ARMC8: variants seen among roughly 807,000 people sequenced by gnomAD.
ARMC8 encodes armadillo repeat-containing protein 8.
ARMC8 carries 20 observed loss-of-function variants against 99.3 expected under a neutral mutation model. That is an observed-to-expected ratio of 0.20 (90% CI 0.14 to 0.29). The LOEUF is 0.29. Among genes scored for constraint, ARMC8 ranks in the 10% least tolerant of loss-of-function variants. The probability of loss-of-function intolerance (pLI) is 1.00; values close to 1 mark genes in which losing one functional copy is unlikely to be tolerated. For missense variants in ARMC8, 569 were observed against 809.5 expected (o/e 0.70, Z 3.60); for synonymous variants, 263 against 278.3 (o/e 0.95, Z 0.55).
At chr3:138,258,558 T>C (rs368006717) in intron 12 of ARMC8, among the ~76,000 whole-genome samples, 1 of 152,196 alleles carries the variant, frequency 6.6e-6, no homozygotes, top group Non-Finnish European at 1.5e-5. Context: ...GATTCTGCAT[T>C]TTCCCCATGA....
chr3:138,237,691 A>G, intron 9 of ARMC8, 119 bp downstream of exon 9: 1 of 790,074 alleles, frequency 1.3e-6, no homozygotes, highest in Non-Finnish European at 2.0e-6. Context: ...TTGAAATTTG[A>G]AAGTCAGGAG....
chr3:138,294,625 CAT>C (rs1263669383), intron 21 of ARMC8, among the ~76,000 whole-genome samples: 1 of 152,202 alleles, frequency 6.6e-6, no homozygotes, highest in African/African-American at 2.4e-5. Context: ...TTATTGTATG[CAT>C]AGTCTACTTG....
At chr3:138,250,908 A>C (rs1368618873) in intron 12 of ARMC8, among the ~76,000 whole-genome samples, 1 of 151,952 alleles carries the variant, frequency 6.6e-6, no homozygotes, top group Non-Finnish European at 1.5e-5. Context: ...GCACTTTGGG[A>C]GGCTTAGGTG....
At chr3:138,270,226 T>A (rs2048661027) in intron 16 of ARMC8, 94 bp downstream of exon 16, 1 of 1,030,526 alleles carries the variant, frequency 9.7e-7, no homozygotes, top group Non-Finnish European at 1.4e-6. Flanking sequence ...ATGTCTGGAA[T>A]TTTCTTTTTC....
chr3:138,253,981 G>T (rs1289139579), intron 12 of ARMC8, among the ~76,000 whole-genome samples: 2 of 152,192 alleles, frequency 1.3e-5, no homozygotes, highest in East Asian at 3.8e-4. Context: ...TTATTTGGAA[G>T]ATTTCTTACC....
chr3:138,211,118 A>G (rs1376399823), intron 2 of ARMC8, among the ~76,000 whole-genome samples: 2 of 152,198 alleles, frequency 1.3e-5, no homozygotes, highest in East Asian at 1.9e-4. Flanking sequence ...AAATCCATCT[A>G]TTAAATAAAT....
intron 1 of ARMC8, among the ~76,000 whole-genome samples, chr3:138,197,250 G>A (rs2043790251): frequency 1.3e-5 from 2 of 152,184 alleles, no homozygotes; most frequent in Non-Finnish European, 2.9e-5. Flanking sequence ...ATAGGAAAGT[G>A]AATGCACCAG....
chr3:138,270,030 C>A lies in ARMC8; in HGVS notation c.1387-10C>A. ...AAGCTGTGATTTTTTTTTTCCCTGT[C>A]CAATGGCAGCCAATTTTGGAATCAG... On this transcript the variant is annotated splice_polypyrimidine_tract_variant and intron_variant, in intron 15 of 21. Transcript: ENST00000469044. 3 of 1,597,184 alleles carry A rather than the reference C, an allele frequency of 1.9e-6. No individual in the cohort carries two copies. The highest frequency in any genetic ancestry group is 8.6e-7 in the Non-Finnish European group (1 of 1,166,782).
At chr3:138,279,882 T>C (rs1190324208) in intron 18 of ARMC8, among the ~76,000 whole-genome samples, 2 of 152,138 alleles carry the variant, frequency 1.3e-5, no homozygotes, top group East Asian at 3.8e-4. Flanking sequence ...CAGTATCCCC[T>C]CTCTTGTTCT....
Position 138,295,998 on chromosome 3 carries a change from C to T in ARMC8, c.*106C>T, listed in dbSNP as rs376993430. On this transcript the variant is annotated 3_prime_UTR_variant, in exon 22 of 22. Transcript: ENST00000469044. ...TATTTGCACAAGTCACCTTGGACTGCAGGGAGCTGTTTTGCAAAAGCAGTT... is the reference window on the plus strand; with the variant it reads ...TATTTGCACAAGTCACCTTGGACTGTAGGGAGCTGTTTTGCAAAAGCAGTT... 7.2e-6 allele frequency: 9 copies of T among 1,249,182 alleles called. No homozygotes were observed. The highest frequency in any genetic ancestry group is 2.9e-5 in the South Asian group (2 of 68,196). 77.4% of individuals were successfully genotyped at this position (1,249,182 alleles called of 1,614,324 possible).
chr3:138,212,423 C>T (rs1255745732), intron 2 of ARMC8, among the ~76,000 whole-genome samples: 1 of 151,458 alleles, frequency 6.6e-6, no homozygotes, highest in Non-Finnish European at 1.5e-5. Context: ...AATTCTCCTG[C>T]CTCAGCCTCC....
intron 2 of ARMC8, among the ~76,000 whole-genome samples, chr3:138,219,225 A>G (rs1041822220): frequency 6.6e-6 from 1 of 152,230 alleles, no homozygotes; most frequent in Non-Finnish European, 1.5e-5. Context: ...AATCTTGGAT[A>G]GTGTTGTTGT....
intron 18 of ARMC8, among the ~76,000 whole-genome samples, chr3:138,283,695 G>C (rs1165610151): frequency 6.6e-6 from 1 of 152,180 alleles, no homozygotes; most frequent in Non-Finnish European, 1.5e-5. Context: ...GTCTGGCTTT[G>C]AGAATGGAAC....
intron 1 of ARMC8, among the ~76,000 whole-genome samples, chr3:138,190,774 A>G (rs1348997403): frequency 2.6e-5 from 4 of 152,222 alleles, no homozygotes; most frequent in African/African-American, 4.8e-5. Flanking sequence ...TTGCTAGGCA[A>G]GCATGGTGTT....
At chr3:138,200,189 T>G (rs2043972873) in intron 1 of ARMC8, among the ~76,000 whole-genome samples, 1 of 152,204 alleles carries the variant, frequency 6.6e-6, no homozygotes, top group Non-Finnish European at 1.5e-5. Flanking sequence ...TGAAGCTAAT[T>G]TATAACATCA....
chr3:138,190,207 C>A (rs1421238322), intron 1 of ARMC8, among the ~76,000 whole-genome samples: 1 of 149,956 alleles, frequency 6.7e-6, no homozygotes, highest in East Asian at 1.9e-4. Context: ...GGTTTCTTTT[C>A]TTGATTGAAT....
intron 18 of ARMC8, 23 bp downstream of exon 18, chr3:138,274,567 G>A: frequency 6.4e-7 from 1 of 1,556,288 alleles, no homozygotes; most frequent in East Asian, 2.2e-5. Context: ...TTTCTCTTGG[G>A]GAATATTTTC....
chr3:138,208,757 T>G (rs1209323931), intron 1 of ARMC8, among the ~76,000 whole-genome samples: 1 of 152,166 alleles, frequency 6.6e-6, no homozygotes, highest in Non-Finnish European at 1.5e-5. Flanking sequence ...AAATATGGAT[T>G]CTTTATTTTA....
chr3:138,268,520 G>A (rs886543475), intron 15 of ARMC8, among the ~76,000 whole-genome samples: 6 of 152,172 alleles, frequency 3.9e-5, no homozygotes, highest in Admixed American at 2.6e-4. Flanking sequence ...TAGGAAATAG[G>A]TAGATGAGCT....
Sources: allele counts gnomAD v4.1 joint callset (sites outside exome capture counted in the v4.1 genomes callset), GRCh38; gene constraint gnomAD v4.1.1; transcripts MANE v1.5; gene names NCBI Gene and HGNC (gene_info 2026-07-23, HGNC 2026-07-21).